The following NUMA1 variants were observed in gnomAD, a reference collection of about 807,000 sequenced individuals.
NUMA1 encodes the protein nuclear mitotic apparatus protein 1.
In NUMA1, 62 loss-of-function variants were observed where a neutral mutation model predicts 237.1. That is an observed-to-expected ratio of 0.26 (90% CI 0.21 to 0.32). The LOEUF is 0.32. Ranked by LOEUF, NUMA1 falls within the 10% of genes least tolerant of loss-of-function variation. NUMA1 has a pLI of 1.00. For missense variants in NUMA1, 2,533 were observed against 2,666.5 expected (o/e 0.95, Z 1.10); for synonymous variants, 1,028 against 1,066.1 (o/e 0.96, Z 0.70).
chr11:72,018,596 G>T, intron 10 of NUMA1, 83 bp from the exon 11 acceptor site: 1 of 1,258,552 alleles, frequency 7.9e-7, no homozygotes, highest in Non-Finnish European at 1.1e-6. Flanking sequence ...ATGTGCACAA[G>T]GGGAAGGGAG....
intron 3 of NUMA1, among the ~76,000 whole-genome samples, chr11:72,032,968 C>A (rs1169261204): frequency 6.6e-6 from 1 of 151,976 alleles, no homozygotes; most frequent in African/African-American, 2.4e-5. Context: ...TGATGTATTT[C>A]TTTCGTTTTT....
chr11:72,026,578 C>T (rs1474882505), intron 4 of NUMA1, among the ~76,000 whole-genome samples: 1 of 152,220 alleles, frequency 6.6e-6, no homozygotes, highest in Admixed American at 6.5e-5. Flanking sequence ...GGGTTGATCC[C>T]AGTTAATTTT....
chr11:72,046,412 C>T (rs923189931), intron 2 of NUMA1, among the ~76,000 whole-genome samples: 1 of 152,030 alleles, frequency 6.6e-6, no homozygotes, highest in East Asian at 1.9e-4. Context: ...GGTGTGGTGG[C>T]GCATGCCTGT....
intron 2 of NUMA1, among the ~76,000 whole-genome samples, chr11:72,061,205 C>T (rs941960303): frequency 6.6e-6 from 1 of 152,136 alleles, no homozygotes; most frequent in Non-Finnish European, 1.5e-5. Context: ...CCACGGCACT[C>T]CAAAATCTGG....
In NUMA1 at chr11:72,016,092, G is replaced by C. The variant is rs369583358; in HGVS notation, c.1411C>G (p.Leu471Val). The C allele has an allele frequency of 1.2e-6, 2 of 1,614,070 alleles. No homozygotes were observed. The highest frequency in any genetic ancestry group is 2.7e-5 in the African/African-American group (2 of 74,944). Residue 471 changes from leucine (L) to valine (V), a missense_variant, in exon 15 of 27, where the codon CTG becomes GTG. Physicochemically the swap from Leu to Val is conservative, Grantham distance 32. This residue lies in a region of NUMA1 where 1,414 missense variants were observed against 1,508.1 expected (regional missense o/e 0.94). Transcript: ENST00000393695. ...CTGAGGTTGGAGATGGAGCTCTGCA[G>C]GTCAGTGATCAGGCTAGACAGCTGC... ...KQQLSSLITDLQSSISNLSQA... is the reference protein window; with the variant it reads ...KQQLSSLITDVQSSISNLSQA...
intron 22 of NUMA1, 53 bp from the exon 23 acceptor site, chr11:72,005,422 T>C: frequency 1.9e-6 from 3 of 1,571,802 alleles, no homozygotes; most frequent in Non-Finnish European, 1.7e-6. Context: ...GCAGGTCACC[T>C]CCTGGCCCTG....
intron 13 of NUMA1, chr11:72,016,871 C>A (rs1937867319): frequency 4.5e-6 from 1 of 222,146 alleles, no homozygotes; most frequent in Non-Finnish European, 8.9e-6. Flanking sequence ...ATCCTCTGGG[C>A]AGCAATACCA....
intron 5 of NUMA1, 119 bp downstream of exon 5, chr11:72,024,155 A>C: frequency 6.4e-6 from 5 of 781,430 alleles, no homozygotes; most frequent in Non-Finnish European, 8.6e-6. Context: ...TTTGTGTTAA[A>C]GAGTGGGGAG....
At chr11:72,066,070 C>G (rs896797851) in intron 2 of NUMA1, 2 of 152,364 alleles carry the variant, frequency 1.3e-5, no homozygotes, top group Non-Finnish European at 2.9e-5. Flanking sequence ...CTTTGGGAGG[C>G]CGAGGTGGGC....
At chr11:72,007,510 CCAT>C in intron 20 of NUMA1, 75 bp from the exon 21 acceptor site, 1 of 1,547,788 alleles carries the variant, frequency 6.5e-7, no homozygotes, top group Non-Finnish European at 8.7e-7. Context: ...TTGAAAGTGA[CCAT>C]TTCCCATCCT....
chr11:72,068,295 C>G (rs887854118), intron 2 of NUMA1: 2 of 152,268 alleles, frequency 1.3e-5, no homozygotes, highest in Non-Finnish European at 2.9e-5. Flanking sequence ...GCCCTCAACA[C>G]ACTTGTGATT....
intron 2 of NUMA1, chr11:72,065,305 T>C (rs1049610882): frequency 4.6e-5 from 7 of 152,138 alleles, no homozygotes; most frequent in African/African-American, 1.7e-4. Context: ...TTATTTGTTA[T>C]ATCTATTACA....
intron 8 of NUMA1, among the ~76,000 whole-genome samples, chr11:72,019,957 G>A (rs748987801): frequency 9.9e-5 from 15 of 152,100 alleles, no homozygotes; most frequent in Non-Finnish European, 1.8e-4. Context: ...GGGGAGCCCT[G>A]AGCAGGATCT....
intron 1 of NUMA1, among the ~76,000 whole-genome samples, chr11:72,072,819 C>T (rs1388944934): frequency 6.6e-6 from 1 of 151,712 alleles, no homozygotes; most frequent in Non-Finnish European, 1.5e-5. Flanking sequence ...CTTTGGGAGG[C>T]CAAGGCGGGC....
chr11:72,044,598 A>T (rs1591028717), intron 2 of NUMA1, among the ~76,000 whole-genome samples: 1 of 26,420 alleles, frequency 3.8e-5, no homozygotes, highest in Non-Finnish European at 1.3e-4. Context: ...AACAGGGGTT[A>T]CTTTGGGGGG....
In NUMA1 at chr11:72,008,795, T is replaced by A. The variant is rs1955935273; in HGVS notation, c.5109A>T (p.Ala1703=). The A allele has an allele frequency of 6.2e-7, 1 of 1,613,990 alleles. No individual in the cohort carries two copies. The highest frequency in any genetic ancestry group is 8.5e-7 in the Non-Finnish European group (1 of 1,180,020). ...GCTCACGGCTCTTTAAAGCATCAGT[T>A]GCCACCTGGAATTTGCCCAGGTCTC... ...QLRDLGKFQV[A]TDALKSREPQ... The change falls in exon 20 of 27, where the codon GCA becomes GCT. Residue 1703 remains alanine, a synonymous_variant. Coordinates refer to ENST00000393695, the MANE Select transcript of NUMA1 (RefSeq NM_006185.4).
chr11:72,004,535 A>G lies in NUMA1; in HGVS notation c.6006+105T>C, dbSNP rs192787790. On this transcript the variant is annotated intron_variant, in intron 24 of 26. Coordinates refer to ENST00000393695, the MANE Select transcript of NUMA1 (RefSeq NM_006185.4). Reference sequence around the variant, plus strand: ...CAGGCCCTTGGAGAGAGGGAAAGAGAGGGGGAAGTGAGGGAAGGAGAGAGA... The same window carrying G: ...CAGGCCCTTGGAGAGAGGGAAAGAGGGGGGGAAGTGAGGGAAGGAGAGAGA... 5.6e-3 allele frequency: 7,286 copies of G among 1,297,842 alleles called. 34 individuals are homozygous for G. The highest frequency in any genetic ancestry group is 6.7e-3 in the South Asian group (499 of 74,788). 80.4% of individuals were successfully genotyped at this position (1,297,842 alleles called of 1,614,324 possible). A position where few individuals can be genotyped will look rare whatever the true frequency, so the allele number is the denominator to read the frequency against.
rs145510098 is a variant in NUMA1, at chr11:72,030,632, G to A, written c.43-1342C>T. ...AGAAGTAGCCTGGGCTGAAGTTTAC[G>A]TTTTTATTACTATAGGAAGAAAGGG... On this transcript the variant is annotated intron_variant, in intron 3 of 26. Transcript: ENST00000393695. 4.3e-3 allele frequency among the ~76,000 whole-genome samples: 651 copies of A among 152,246 alleles called. 6 individuals are homozygous for A. Among genetic ancestry groups the A allele is most frequent in the African/African-American group, 0.015 (617 of 41,542 alleles).
At chr11:72,007,559 C>A in intron 20 of NUMA1, 124 bp from the exon 21 acceptor site, 1 of 1,263,460 alleles carries the variant, frequency 7.9e-7, no homozygotes, top group South Asian at 1.3e-5. Flanking sequence ...GCCCATCTCT[C>A]TGATTTTTCA....
Sources: allele counts gnomAD v4.1 joint callset (sites outside exome capture counted in the v4.1 genomes callset), GRCh38; gene constraint gnomAD v4.1.1; regional missense constraint gnomAD v4.1.1; transcripts MANE v1.5; gene names NCBI Gene and HGNC (gene_info 2026-07-23, HGNC 2026-07-21).